The following CHCHD3 variants were observed in gnomAD, a reference collection of about 807,000 sequenced individuals.
The protein encoded by CHCHD3 is MICOS complex subunit MIC19.
CHCHD3 carries 20 observed loss-of-function variants against 38.2 expected under a neutral mutation model. The ratio of observed to expected loss-of-function variants is 0.52; its 90% CI spans 0.37 to 0.76. CHCHD3 has a LOEUF of 0.76. Among genes scored for constraint, CHCHD3 ranks in the 30% least tolerant of loss-of-function variants. The pLI, the probability that CHCHD3 is intolerant of heterozygous loss-of-function variation, is 0.00. For missense variants in CHCHD3, 245 were observed against 279.2 expected, an observed-to-expected ratio of 0.88 and a Z score of 0.87; for synonymous variants, 82 against 100.0, an observed-to-expected ratio of 0.82 and a Z score of 1.07.
chr7:132,893,570 G>A (rs1809422321), intron 4 of CHCHD3, among the ~76,000 whole-genome samples: 2 of 152,300 alleles, frequency 1.3e-5, no homozygotes, highest in South Asian at 4.2e-4. Context: ...TTTGGCAGGG[G>A]CCAGGGTGGA....
intron 5 of CHCHD3, among the ~76,000 whole-genome samples, chr7:132,868,636 T>C (rs1808690469): frequency 6.6e-6 from 1 of 152,184 alleles, no homozygotes; most frequent in African/African-American, 2.4e-5. Flanking sequence ...CAGTACATTT[T>C]TCTTTAGAAA....
At chr7:132,816,425 G>T (rs1399272364) in intron 6 of CHCHD3, among the ~76,000 whole-genome samples, 4 of 151,982 alleles carry the variant, frequency 2.6e-5, no homozygotes, top group African/African-American at 9.7e-5. Flanking sequence ...CTGTTTAAAA[G>T]AAAGTTTTAT....
chr7:133,056,914 T>TAA (rs533888942), intron 2 of CHCHD3, among the ~76,000 whole-genome samples: 64 of 152,290 alleles, frequency 4.2e-4, no homozygotes, highest in South Asian at 1.9e-3. Flanking sequence ...AAAAGCCCTT[T>TAA]GAACACTAAA....
intron 4 of CHCHD3, among the ~76,000 whole-genome samples, chr7:132,969,703 G>A (rs1811563708): frequency 6.6e-6 from 1 of 152,012 alleles, no homozygotes; most frequent in African/African-American, 2.4e-5. Context: ...CCCTAATTTG[G>A]GTACTACCTG....
At chr7:132,833,319 T>C (rs922887441) in intron 6 of CHCHD3, among the ~76,000 whole-genome samples, 1 of 152,176 alleles carries the variant, frequency 6.6e-6, no homozygotes, top group Non-Finnish European at 1.5e-5. Context: ...ATAAGAAGAA[T>C]GCTGGATTTG....
chr7:132,793,356 G>A (rs1483687488), intron 7 of CHCHD3, among the ~76,000 whole-genome samples: 2 of 152,192 alleles, frequency 1.3e-5, no homozygotes, highest in South Asian at 2.1e-4. Flanking sequence ...CAATCGATGT[G>A]CTCCTTCCTT....
chr7:132,877,653 C>T (rs944415153), intron 5 of CHCHD3, among the ~76,000 whole-genome samples: 1 of 152,148 alleles, frequency 6.6e-6, no homozygotes, highest in African/African-American at 2.4e-5. Flanking sequence ...ACCTCTGTTG[C>T]TTGTGACATT....
At chr7:132,812,329 C>A (rs572707092) in intron 6 of CHCHD3, among the ~76,000 whole-genome samples, 2 of 150,108 alleles carry the variant, frequency 1.3e-5, no homozygotes, top group Non-Finnish European at 3.0e-5. Context: ...CCTGCCTCAG[C>A]CTCTCCAGTA....
At chr7:132,848,349 C>G (rs1808133274) in intron 5 of CHCHD3, among the ~76,000 whole-genome samples, 2 of 152,194 alleles carry the variant, frequency 1.3e-5, no homozygotes, top group Admixed American at 1.3e-4. Context: ...ACATAATCAG[C>G]TAGATGTAGG....
intron 3 of CHCHD3, among the ~76,000 whole-genome samples, chr7:132,985,249 G>A (rs1584621419): frequency 1.3e-5 from 1 of 79,180 alleles, no homozygotes; most frequent in African/African-American, 4.9e-5. Context: ...GGAGGGAGGT[G>A]GGGGGGTCAG....
chr7:132,889,548 T>C (rs764099482), intron 4 of CHCHD3, among the ~76,000 whole-genome samples: 13 of 152,130 alleles, frequency 8.5e-5, no homozygotes, highest in Non-Finnish European at 1.8e-4. Flanking sequence ...AAAGCTCAGA[T>C]GTGTACACTA....
chr7:132,836,062 G>T (rs1411181007), intron 6 of CHCHD3, among the ~76,000 whole-genome samples: 1 of 151,928 alleles, frequency 6.6e-6, no homozygotes, highest in South Asian at 2.1e-4. Context: ...CCCGGTCTGT[G>T]GTACTTTGCA....
chr7:132,809,768 C>T (rs913153187), intron 6 of CHCHD3, among the ~76,000 whole-genome samples: 4 of 152,176 alleles, frequency 2.6e-5, no homozygotes, highest in Non-Finnish European at 4.4e-5. Context: ...TGTCCATTCC[C>T]AAGCTATGTT....
At chr7:132,905,884 G>A (rs572521485) in intron 4 of CHCHD3, among the ~76,000 whole-genome samples, 1 of 152,284 alleles carries the variant, frequency 6.6e-6, no homozygotes, top group African/African-American at 2.4e-5. Flanking sequence ...CAAAATAGCT[G>A]CATGAAAATA....
chr7:132,969,842 T>C lies in CHCHD3; in HGVS notation c.369+5327A>G, dbSNP rs1307204608. 3.3e-5 allele frequency among the ~76,000 whole-genome samples: 5 copies of C among 152,112 alleles called. No homozygotes were observed. The East Asian group carries it at 9.6e-4, about 29-fold the overall frequency. On this transcript the variant is annotated intron_variant, in intron 4 of 7. Transcript: ENST00000262570. Reference sequence around the variant, plus strand: ...TCAAACCCTAAACCCCATGACTGACTAAATGGACCCCCTCTTGGCCAAGGG... The same window carrying C: ...TCAAACCCTAAACCCCATGACTGACCAAATGGACCCCCTCTTGGCCAAGGG...
intron 4 of CHCHD3, among the ~76,000 whole-genome samples, chr7:132,901,659 GTTGA>G (rs1380919982): frequency 6.6e-6 from 1 of 152,152 alleles, no homozygotes; most frequent in African/African-American, 2.4e-5. Context: ...TGTTGATGGG[GTTGA>G]TTGTTTTTTT....
chr7:133,052,987 C>T (rs1814212127), intron 2 of CHCHD3, among the ~76,000 whole-genome samples: 1 of 152,204 alleles, frequency 6.6e-6, no homozygotes, highest in African/African-American at 2.4e-5. Flanking sequence ...AAAATGCATT[C>T]TGGATCCCTT....
At position 132,929,534 on chromosome 7, in the gene CHCHD3, T is replaced by C. The variant is rs558801328; in HGVS notation, c.370-43789A>G. On this transcript the variant is annotated intron_variant, in intron 4 of 7. Transcript: ENST00000262570. ...TTTGAGAAGGATTCCCATAACTCTC[T>C]CTATTCCTGGCTGCTCTCCCTAGTT... 2.6e-5 allele frequency among the ~76,000 whole-genome samples: 4 copies of C among 152,312 alleles called. No individual in the cohort carries two copies. In the South Asian group the frequency reaches 8.3e-4, roughly 32 times the overall value.
intron 4 of CHCHD3, among the ~76,000 whole-genome samples, chr7:132,954,143 C>T (rs938138454): frequency 2.0e-5 from 3 of 152,116 alleles, no homozygotes; most frequent in Non-Finnish European, 4.4e-5. Flanking sequence ...AGGGCAGCAG[C>T]AGGCCTGCCA....
Sources: allele counts gnomAD v4.1 joint callset (sites outside exome capture counted in the v4.1 genomes callset), GRCh38; gene constraint gnomAD v4.1.1; transcripts MANE v1.5; gene names NCBI Gene and HGNC (gene_info 2026-07-23, HGNC 2026-07-21).